DNAH10: variants seen among roughly 807,000 people sequenced by gnomAD.
The protein encoded by DNAH10 is dynein axonemal heavy chain 10.
DNAH10 carries 348 observed loss-of-function variants against 506.6 expected under a neutral mutation model. The ratio of observed to expected loss-of-function variants is 0.69; its 90% CI spans 0.63 to 0.75. The LOEUF (loss-of-function observed/expected upper bound fraction) is 0.75. Among genes scored for constraint, DNAH10 ranks in the 30% least tolerant of loss-of-function variants. The probability of loss-of-function intolerance (pLI) is 0.00; values close to 1 mark genes in which losing one functional copy is unlikely to be tolerated. For synonymous variants in DNAH10, 2,059 were observed against 2,198.6 expected, an observed-to-expected ratio of 0.94 and a Z score of 1.78; for missense variants, 5,179 against 5,787.1, an observed-to-expected ratio of 0.89 and a Z score of 3.41.
chr12:123,910,009 G>A (rs966452937), intron 58 of DNAH10, among the ~76,000 whole-genome samples: 1 of 152,188 alleles, frequency 6.6e-6, no homozygotes, highest in African/African-American at 2.4e-5. Flanking sequence ...TAGTCTTTGC[G>A]AAAAGCAATA....
chr12:123,887,028 G>T, intron 51 of DNAH10, 114 bp from the exon 52 acceptor site: 2 of 1,284,268 alleles, frequency 1.6e-6, no homozygotes, highest in Non-Finnish European at 1.0e-6. Context: ...CTACTTCCTC[G>T]AGCTTGGACA....
At chr12:123,776,914 G>C (rs1957462292) in intron 5 of DNAH10, among the ~76,000 whole-genome samples, 1 of 152,108 alleles carries the variant, frequency 6.6e-6, no homozygotes, top group Non-Finnish European at 1.5e-5. Flanking sequence ...AATATATAGT[G>C]TGTTAGACAG....
Position 123,916,879 on chromosome 12 carries a change from T to TA in DNAH10, c.11002+144dup, listed in dbSNP as rs1954503382. The stretch of plus-strand genomic sequence containing the variant: ...AGGCACATCTGGACTAGTCAGCTCT[T>TA]ACCAATTAGGTACCACTTAGAAGGT... On this transcript the variant is annotated intron_variant, in intron 63 of 78. Coordinates refer to ENST00000673944, the MANE Select transcript of DNAH10 (RefSeq NM_001372106.1). The surrounding 1 kb of genome is among the most constrained non-coding windows in gnomAD (Gnocchi z 4.6). 3 of 1,064,208 alleles carry TA rather than the reference T, an allele frequency of 2.8e-6. No homozygotes were observed. In the Admixed American group the frequency reaches 8.6e-5, roughly 31 times the overall value. 65.9% of individuals were successfully genotyped at this position (1,064,208 alleles called of 1,614,324 possible). A position where few individuals can be genotyped will look rare whatever the true frequency, so the allele number is the denominator to read the frequency against.
At chr12:123,892,751 G>A (rs369589763) in intron 52 of DNAH10, among the ~76,000 whole-genome samples, 2 of 152,212 alleles carry the variant, frequency 1.3e-5, no homozygotes, top group East Asian at 1.9e-4. Context: ...ACTGCGTGCC[G>A]TTGACATTTG....
At chr12:123,807,812 GA>G in intron 18 of DNAH10, among the ~76,000 whole-genome samples, 1 of 124,210 alleles carries the variant, frequency 8.1e-6, no homozygotes, top group Non-Finnish European at 1.7e-5. Context: ...GGGAGAGAGA[GA>G]GAGATAAGGA....
At chr12:123,841,256 C>T (rs1950764138) in intron 29 of DNAH10, 66 bp from the exon 30 acceptor site, 8 of 1,542,196 alleles carry the variant, frequency 5.2e-6, no homozygotes, top group East Asian at 2.2e-5. Flanking sequence ...GATGGAGCAC[C>T]GCTGGCTGGT....
At position 123,850,798 on chromosome 12, in the gene DNAH10, G is replaced by A. The variant is rs924096984; in HGVS notation, c.6103-90G>A. On this transcript the variant is annotated intron_variant, in intron 34 of 78. Coordinates refer to ENST00000673944, the MANE Select transcript of DNAH10 (RefSeq NM_001372106.1). The surrounding 1 kb of genome is among the most constrained non-coding windows in gnomAD (Gnocchi z 5.5). ...CAGCCTCATACCATGAAAATGAATC[G>A]CCACGCAGCTCGCCGCAGGCCCCCT... The A allele has an allele frequency of 9.0e-6, 12 of 1,333,204 alleles. No individual in the cohort carries two copies. Among genetic ancestry groups the A allele is most frequent in the East Asian group, 2.4e-5 (1 of 41,120 alleles). The allele number at this position is 1,333,204 out of a possible 1,614,324, so 82.6% of individuals were successfully genotyped here.
At chr12:123,894,824 G>C in intron 54 of DNAH10, 101 bp downstream of exon 54, 1 of 1,090,688 alleles carries the variant, frequency 9.2e-7, no homozygotes, top group South Asian at 1.4e-5. Context: ...TTCTTCACTG[G>C]AAAACCCTAT....
chr12:123,910,540 C>T lies in DNAH10; in HGVS notation c.10002C>T (p.Leu3334=). ...TQSQVKNIKG[L]LKTLNTTTEE... Reference sequence around the variant, plus strand: ...TTATTGCATGTTTCACGTTAGGCCTCTTGAAGACTCTTAATACCACAACTG... The same window carrying T: ...TTATTGCATGTTTCACGTTAGGCCTTTTGAAGACTCTTAATACCACAACTG... Residue 3334 remains leucine (L), a synonymous_variant, in exon 59 of 79, where the codon CTC becomes CTT. Coordinates refer to ENST00000673944, the MANE Select transcript of DNAH10 (RefSeq NM_001372106.1). 6.2e-7 allele frequency: 1 copy of T among 1,612,616 alleles called. No homozygotes were observed. Among genetic ancestry groups the T allele is most frequent in the Non-Finnish European group, 8.5e-7 (1 of 1,179,484 alleles).
At chr12:123,866,184 G>A in intron 41 of DNAH10, 111 bp downstream of exon 41, 1 of 706,266 alleles carries the variant, frequency 1.4e-6, no homozygotes, top group Non-Finnish European at 1.9e-6. Context: ...TCCTTGACCT[G>A]CCCATGTCCC....
chr12:123,897,242 C>T (rs530293471), intron 54 of DNAH10, among the ~76,000 whole-genome samples: 1 of 152,310 alleles, frequency 6.6e-6, no homozygotes, highest in East Asian at 1.9e-4. Context: ...TTCATCCATT[C>T]CTCCGTTGCT....
intron 1 of DNAH10, 79 bp from the exon 2 acceptor site, chr12:123,767,527 C>A: frequency 7.1e-7 from 1 of 1,411,546 alleles, no homozygotes; most frequent in Non-Finnish European, 9.7e-7. Context: ...CTTGGCTCCA[C>A]AGAAAGCAAA....
At chr12:123,878,431 A>G (rs1276585439) in intron 48 of DNAH10, among the ~76,000 whole-genome samples, 6 of 152,206 alleles carry the variant, frequency 3.9e-5, no homozygotes, top group African/African-American at 1.2e-4. Flanking sequence ...AAGATACTGA[A>G]AAATGAATTG....
chr12:123,913,300 G>A lies in DNAH10; in HGVS notation c.10337G>A (p.Gly3446Glu). 1 of 1,599,866 alleles carries A rather than the reference G, an allele frequency of 6.3e-7. No homozygotes were observed. Among genetic ancestry groups the A allele is most frequent in the Non-Finnish European group, 8.5e-7 (1 of 1,173,910 alleles). The stretch of plus-strand genomic sequence containing the variant: ...GCAGACAAACTCATCTCGGGTCTGG[G>A]GTCAGAAAACATCAGGTTAGCGCTG... ...IAADKLISGL[G>E]SENIRWLNDL... Residue 3446 changes from glycine (G) to glutamate (E), a missense_variant, in exon 60 of 79, where the codon GGG becomes GAG. Around this residue, in one of 3 missense-constraint regions of DNAH10, gnomAD observed 4,844 missense variants for 5,430.5 expected, o/e 0.89. Coordinates refer to ENST00000673944, the MANE Select transcript of DNAH10 (RefSeq NM_001372106.1). The surrounding 1 kb of genome is among the most constrained non-coding windows in gnomAD (Gnocchi z 5.1).
In DNAH10 at chr12:123,881,659, A is replaced by G; in HGVS notation, c.8669A>G (p.Lys2890Arg). Residue 2890 changes from lysine to arginine, a missense_variant, in exon 51 of 79, where the codon AAA (lysine) becomes AGA (arginine). Lys to Arg is a conservative substitution (Grantham distance 26). This residue lies in a region of DNAH10 where 4,844 missense variants were observed against 5,430.5 expected (regional missense o/e 0.89). Coordinates refer to ENST00000673944, the MANE Select transcript of DNAH10 (RefSeq NM_001372106.1). Reference sequence around the variant, plus strand: ...GAAGAGTATAATGAAAGCAACACCAAAATGAACTTGGTTCTCTTCGACGAT... The same window carrying G: ...GAAGAGTATAATGAAAGCAACACCAGAATGAACTTGGTTCTCTTCGACGAT... ...ILEEYNESNT[K>R]MNLVLFDDAL... 1 of 1,542,130 alleles carries G rather than the reference A, an allele frequency of 6.5e-7. No individual in the cohort carries two copies. Among genetic ancestry groups the G allele is most frequent in the Non-Finnish European group, 8.7e-7 (1 of 1,144,286 alleles).
chr12:123,883,280 G>A (rs541676210), intron 51 of DNAH10, among the ~76,000 whole-genome samples: 47 of 152,182 alleles, frequency 3.1e-4, no homozygotes, highest in Non-Finnish European at 5.4e-4. Context: ...ATTGTTTGAG[G>A]AACCTCCAGG....
intron 54 of DNAH10, 48 bp from the exon 55 acceptor site, chr12:123,897,722 G>A: frequency 1.3e-6 from 2 of 1,586,752 alleles, no homozygotes; most frequent in Non-Finnish European, 8.5e-7. Flanking sequence ...GAGACCCTGT[G>A]TCGAAAAAGA....
Position 123,846,060 on chromosome 12 carries a change from C to T in DNAH10, c.5720C>T (p.Thr1907Met), listed in dbSNP as rs368776064. ...EPDELNIRQCTGTFGYGYEYM... is the reference protein window; with the variant it reads ...EPDELNIRQCMGTFGYGYEYM... ...GATGAGCTGAACATCCGCCAGTGCA[C>T]GGGAACCTTTGGCTACGGCTACGAG... Residue 1907 changes from threonine to methionine, a missense_variant, in exon 32 of 79, where the codon ACG becomes ATG. Transcript: ENST00000673944. The surrounding 1 kb of genome is among the most constrained non-coding windows in gnomAD (Gnocchi z 4.5). The T allele has an allele frequency of 2.8e-5, 45 of 1,613,874 alleles. No homozygotes were observed. Among genetic ancestry groups the T allele is most frequent in the African/African-American group, 1.2e-4 (9 of 74,914 alleles).
At position 123,925,821 on chromosome 12, in the gene DNAH10, G is replaced by C. The variant is rs1340294076; in HGVS notation, c.11921+617G>C. 6.6e-6 allele frequency: 1 copy of C among 152,284 alleles called. No individual in the cohort carries two copies. Among genetic ancestry groups the C allele is most frequent in the Non-Finnish European group, 1.5e-5 (1 of 68,102 alleles). 9.4% of individuals were successfully genotyped at this position (152,284 alleles called of 1,614,324 possible). ...CTTAGCTCCTGCTGACTGATACCAG[G>C]TGCCATTGGGAACCCACAGTGGCTG... On this transcript the variant is annotated intron_variant, in intron 68 of 78. Coordinates refer to ENST00000673944, the MANE Select transcript of DNAH10 (RefSeq NM_001372106.1). This position sits in a 1 kb window ranked among gnomAD's most constrained non-coding sequence, Gnocchi z 4.0.
Sources: gnomAD v4.1 joint callset for allele counts (sites outside exome capture counted in the v4.1 genomes callset) on GRCh38, gnomAD v4.1.1 for gene constraint, gnomAD v4.1.1 regional missense constraint, Gnocchi (gnomAD v3.1) non-coding constraint, MANE v1.5 for transcripts, NCBI Gene and HGNC (gene_info 2026-07-23, HGNC 2026-07-21) for gene names.